Variants in DAAM1 observed in about 807,000 individuals in gnomAD.
The protein encoded by DAAM1 is disheveled-associated activator of morphogenesis 1.
DAAM1 carries 52 observed loss-of-function variants against 130.0 expected under a neutral mutation model. That is an observed-to-expected ratio of 0.40 (90% CI 0.32 to 0.50). The LOEUF (loss-of-function observed/expected upper bound fraction) is 0.50. Ranked by LOEUF, DAAM1 falls within the 20% of genes least tolerant of loss-of-function variation. The pLI is 0.61. For missense variants in DAAM1, 1,134 were observed against 1,303.8 expected, an observed-to-expected ratio of 0.87 and a Z score of 2.01; for synonymous variants, 452 against 444.5, an observed-to-expected ratio of 1.02 and a Z score of -0.21.
intron 4 of DAAM1, among the ~76,000 whole-genome samples, chr14:59,319,305 T>C (rs1884911817): frequency 6.6e-6 from 1 of 152,196 alleles, no homozygotes; most frequent in Non-Finnish European, 1.5e-5. Flanking sequence ...ATGATACTGA[T>C]GTATTATATT....
chr14:59,244,214 T>C (rs1881255745), intron 1 of DAAM1, among the ~76,000 whole-genome samples: 1 of 151,570 alleles, frequency 6.6e-6, no homozygotes, highest in Admixed American at 6.6e-5. Context: ...CCTCCCCAGC[T>C]ATGTGGCACT....
At chr14:59,191,507 C>A (rs1872734455) in intron 1 of DAAM1, among the ~76,000 whole-genome samples, 1 of 152,120 alleles carries the variant, frequency 6.6e-6, no homozygotes, top group Admixed American at 6.5e-5. Context: ...ACTGATAGTT[C>A]TGTCATCCGT....
chr14:59,231,716 T>G (rs1889113217), intron 1 of DAAM1, among the ~76,000 whole-genome samples: 1 of 152,108 alleles, frequency 6.6e-6, no homozygotes, highest in East Asian at 1.9e-4. Flanking sequence ...TAGAACTTGA[T>G]GAGGAATCCA....
intron 17 of DAAM1, among the ~76,000 whole-genome samples, chr14:59,348,144 A>T (rs1250114415): frequency 6.6e-6 from 1 of 152,236 alleles, no homozygotes; most frequent in Non-Finnish European, 1.5e-5. Flanking sequence ...GCTAAGTCTT[A>T]ACCTCCGTAC....
chr14:59,245,091 A>G (rs1881308631), intron 1 of DAAM1, among the ~76,000 whole-genome samples: 2 of 152,346 alleles, frequency 1.3e-5, no homozygotes, highest in African/African-American at 4.8e-5. Context: ...TGTAGAAATC[A>G]TGAAATGAAT....
At chr14:59,200,873 C>T (rs1888075687) in intron 1 of DAAM1, among the ~76,000 whole-genome samples, 1 of 151,988 alleles carries the variant, frequency 6.6e-6, no homozygotes, top group African/African-American at 2.4e-5. Flanking sequence ...TTAAAGATCC[C>T]CAGGTAGGCG....
chr14:59,273,664 TTCTC>T (rs1417385176), intron 2 of DAAM1, among the ~76,000 whole-genome samples: 6 of 152,208 alleles, frequency 3.9e-5, no homozygotes, highest in African/African-American at 1.4e-4. Flanking sequence ...GACATTCCCA[TTCTC>T]TATGTGTCCT....
chr14:59,326,750 A>G lies in DAAM1; in HGVS notation c.1313+102A>G. The G allele has an allele frequency of 5.2e-6, 8 of 1,550,900 alleles. No individual in the cohort carries two copies. The East Asian group carries it at 1.8e-4, about 35-fold the overall frequency. On this transcript the variant is annotated intron_variant, in intron 11 of 24. Coordinates refer to ENST00000360909, the MANE Select transcript of DAAM1 (RefSeq NM_001270520.2). Reference sequence around the variant, plus strand: ...ACAGCTGGGAGAGCTGAAATGTTCTAGGGGTCAAATATGAGTTACTGTACA... The same window carrying G: ...ACAGCTGGGAGAGCTGAAATGTTCTGGGGGTCAAATATGAGTTACTGTACA...
chr14:59,199,356 C>A (rs78419480), intron 1 of DAAM1, among the ~76,000 whole-genome samples: 1 of 152,256 alleles, frequency 6.6e-6, no homozygotes, highest in Non-Finnish European at 1.5e-5. Flanking sequence ...CCTCAGCCTC[C>A]GGAGTTGCTG....
intron 19 of DAAM1, among the ~76,000 whole-genome samples, chr14:59,354,688 G>A (rs897280130): frequency 3.9e-5 from 6 of 152,194 alleles, no homozygotes; most frequent in African/African-American, 7.2e-5. Flanking sequence ...GCACAGCCAC[G>A]GAACGCAGGC....
intron 1 of DAAM1, among the ~76,000 whole-genome samples, chr14:59,234,207 A>G (rs1416473760): frequency 1.3e-5 from 2 of 152,156 alleles, no homozygotes; most frequent in Non-Finnish European, 2.9e-5. Flanking sequence ...CATTGAATCT[A>G]TAAATTACTT....
chr14:59,199,416 G>C (rs773905325), intron 1 of DAAM1, among the ~76,000 whole-genome samples: 3 of 152,136 alleles, frequency 2.0e-5, no homozygotes, highest in Non-Finnish European at 4.4e-5. Flanking sequence ...CTTTAAACTG[G>C]AGTCTGACCA....
intron 1 of DAAM1, among the ~76,000 whole-genome samples, chr14:59,263,096 TC>T (rs1882252348): frequency 1.3e-5 from 2 of 152,168 alleles, no homozygotes; most frequent in Admixed American, 6.5e-5. Context: ...AGGTCAGTCT[TC>T]CAAGAAGAGT....
chr14:59,353,686 A>G (rs1886369742), intron 18 of DAAM1, among the ~76,000 whole-genome samples, 190 bp from the exon 19 acceptor site: 1 of 151,966 alleles, frequency 6.6e-6, no homozygotes, highest in South Asian at 2.1e-4. Flanking sequence ...GTCAGACCAA[A>G]ATGGGCTCTC....
intron 12 of DAAM1, 70 bp from the exon 13 acceptor site, chr14:59,330,431 T>G: frequency 7.1e-7 from 1 of 1,414,142 alleles, no homozygotes; most frequent in Non-Finnish European, 9.5e-7. Context: ...CTCAGTCAAT[T>G]TTCTTTTAGA....
At chr14:59,245,780 G>A (rs1267394660) in intron 1 of DAAM1, among the ~76,000 whole-genome samples, 2 of 152,144 alleles carry the variant, frequency 1.3e-5, no homozygotes, top group Admixed American at 1.3e-4. Context: ...AAAGAAGAAA[G>A]TCATTGCTCA....
chr14:59,270,980 C>T (rs1882686108), intron 2 of DAAM1, among the ~76,000 whole-genome samples: 1 of 152,146 alleles, frequency 6.6e-6, no homozygotes. Context: ...TATTTGGAAT[C>T]CATTTCATAG....
chr14:59,263,980 T>A (rs942949353), intron 2 of DAAM1: 3 of 403,072 alleles, frequency 7.4e-6, no homozygotes, highest in Admixed American at 3.7e-5. Context: ...CAGTCCTTAG[T>A]CTATACATTA....
In DAAM1 at chr14:59,260,273, T is replaced by A. The variant is rs571356291; in HGVS notation, c.-37-3168T>A. Among the ~76,000 whole-genome samples, 158 of 152,350 alleles carry A rather than the reference T, an allele frequency of 1.0e-3. 1 individual carries two copies. The highest frequency in any genetic ancestry group is 3.4e-3 in the African/African-American group (142 of 41,576). On this transcript the variant is annotated intron_variant, in intron 1 of 24. Coordinates refer to ENST00000360909, the MANE Select transcript of DAAM1 (RefSeq NM_001270520.2). ...CAGATAATCATATCAATGGGTTTTTTAAATCTCACTTTATTAATTGTGAAA... is the reference window on the plus strand; with the variant it reads ...CAGATAATCATATCAATGGGTTTTTAAAATCTCACTTTATTAATTGTGAAA...
Sources: allele counts gnomAD v4.1 joint callset (sites outside exome capture counted in the v4.1 genomes callset), GRCh38; gene constraint gnomAD v4.1.1; transcripts MANE v1.5; gene names NCBI Gene and HGNC (gene_info 2026-07-23, HGNC 2026-07-21).